The following ATP8A1 variants were observed in gnomAD, a reference collection of about 807,000 sequenced individuals.
The protein encoded by ATP8A1 is ATPase phospholipid transporting 8A1.
Under a neutral mutation model 177.7 loss-of-function variants are expected in ATP8A1, and 90 were observed. That is an observed-to-expected ratio of 0.51 (90% confidence interval 0.43 to 0.60). ATP8A1 has a LOEUF of 0.60. Ranked by LOEUF, ATP8A1 falls within the 20% of genes least tolerant of loss-of-function variation. ATP8A1 has a pLI of 0.00. For missense variants in ATP8A1, 1,072 were observed against 1,392.8 expected, an observed-to-expected ratio of 0.77 and a Z score of 3.67; for synonymous variants, 493 against 485.9, an observed-to-expected ratio of 1.01 and a Z score of -0.19.
At chr4:42,438,153 G>A (rs953044132) in intron 33 of ATP8A1, among the ~76,000 whole-genome samples, 6 of 152,196 alleles carry the variant, frequency 3.9e-5, no homozygotes, top group Admixed American at 3.3e-4. Flanking sequence ...AGACAGGAGT[G>A]TGCACGGTGC....
At chr4:42,490,381 GC>G (rs1722624171) in intron 24 of ATP8A1, among the ~76,000 whole-genome samples, 1 of 152,186 alleles carries the variant, frequency 6.6e-6, no homozygotes, top group Admixed American at 6.5e-5. Flanking sequence ...TTCTTATGTG[GC>G]TGCTCATCAC....
chr4:42,448,392 C>CTTACTTTACTTTTTTTTTTTTT (rs1560335169), intron 30 of ATP8A1, among the ~76,000 whole-genome samples: 14 of 19,920 alleles, frequency 7.0e-4, no homozygotes, highest in African/African-American at 1.1e-3. Context: ...CCCTCCTTCT[C>CTTACTTTACTTTTTTTTTTTTT]TTTCTTTTCT....
intron 1 of ATP8A1, among the ~76,000 whole-genome samples, chr4:42,651,882 T>A (rs1741133777): frequency 6.6e-6 from 1 of 152,204 alleles, no homozygotes; most frequent in Admixed American, 6.5e-5. Context: ...GAAAAACTAT[T>A]TTGTGTAAGC....
chr4:42,526,918 C>T (rs1223114807), intron 20 of ATP8A1, among the ~76,000 whole-genome samples: 2 of 151,950 alleles, frequency 1.3e-5, no homozygotes, highest in African/African-American at 2.4e-5. Context: ...ACTGATAGTC[C>T]TTGGCATAAA....
chr4:42,440,075 A>G (rs955893920), intron 33 of ATP8A1, among the ~76,000 whole-genome samples: 4 of 152,194 alleles, frequency 2.6e-5, no homozygotes, highest in African/African-American at 9.7e-5. Context: ...CCTGATGTTC[A>G]TGGCAAACAC....
chr4:42,623,756 G>A (rs1737747394), intron 4 of ATP8A1, among the ~76,000 whole-genome samples: 1 of 152,110 alleles, frequency 6.6e-6, no homozygotes, highest in South Asian at 2.1e-4. Context: ...ACTAATAGAT[G>A]CTCGGTTTAA....
intron 15 of ATP8A1, among the ~76,000 whole-genome samples, chr4:42,560,265 T>G (rs1042102205): frequency 6.6e-6 from 1 of 152,152 alleles, no homozygotes. Flanking sequence ...TTGAAATTAG[T>G]CACACAGGCT....
intron 25 of ATP8A1, among the ~76,000 whole-genome samples, 187 bp downstream of exon 25, chr4:42,485,309 T>C (rs1401936002): frequency 2.0e-5 from 3 of 152,220 alleles, no homozygotes; most frequent in African/African-American, 7.2e-5. Flanking sequence ...TTGTTAATGA[T>C]TGTTAGGACT....
chr4:42,596,496 C>T (rs1734724569), intron 6 of ATP8A1, among the ~76,000 whole-genome samples: 1 of 151,624 alleles, frequency 6.6e-6, no homozygotes, highest in African/African-American at 2.4e-5. Flanking sequence ...ATGGCGAAAC[C>T]CTGTCTCTAC....
intron 25 of ATP8A1, among the ~76,000 whole-genome samples, chr4:42,478,610 C>G (rs1721335086): frequency 6.6e-6 from 1 of 151,888 alleles, no homozygotes; most frequent in African/African-American, 2.4e-5. Flanking sequence ...TGCTTTAGTT[C>G]AAGACTCTAG....
chr4:42,422,815 A>G lies in ATP8A1; in HGVS notation c.3297T>C (p.Leu1099=), dbSNP rs754623658. 42 of 1,611,952 alleles carry G rather than the reference A, an allele frequency of 2.6e-5. No individual in the cohort carries two copies. Among genetic ancestry groups the G allele is most frequent in the Non-Finnish European group, 3.4e-5 (40 of 1,179,128 alleles). Residue 1099 remains leucine (L), a synonymous_variant, in exon 35 of 37, where the codon CTT becomes CTC. Coordinates refer to ENST00000381668, the MANE Select transcript of ATP8A1 (RefSeq NM_006095.2). ...TTCACTGTGTATTTTACCTTTTTCC[A>G]AGTACAACTGCTCCTGGGTCTTGAG... ...AKSQDPGAVV[L]GKSLTERAQL...
At chr4:42,641,731 T>C (rs1235008448) in intron 1 of ATP8A1, among the ~76,000 whole-genome samples, 1 of 152,068 alleles carries the variant, frequency 6.6e-6, no homozygotes, top group African/African-American at 2.4e-5. Flanking sequence ...GGGAAAAAAA[T>C]GAATGAACAA....
chr4:42,605,177 A>G (rs1200764643), intron 5 of ATP8A1, among the ~76,000 whole-genome samples: 2 of 152,242 alleles, frequency 1.3e-5, no homozygotes, highest in Non-Finnish European at 2.9e-5. Flanking sequence ...TATGTGAACT[A>G]TAACTGAATT....
At chr4:42,450,039 G>C (rs1717762758) in intron 30 of ATP8A1, among the ~76,000 whole-genome samples, 1 of 152,152 alleles carries the variant, frequency 6.6e-6, no homozygotes, top group African/African-American at 2.4e-5. Context: ...TGGAGAGCTT[G>C]TCTGAGGTCA....
intron 33 of ATP8A1, among the ~76,000 whole-genome samples, chr4:42,435,091 T>C (rs950163110): frequency 5.3e-5 from 8 of 152,238 alleles, no homozygotes; most frequent in East Asian, 1.9e-4. Context: ...ACACCAGTCA[T>C]TGACGAGCCC....
chr4:42,553,629 AAAT>A (rs1560451714), intron 16 of ATP8A1, among the ~76,000 whole-genome samples: 2 of 152,176 alleles, frequency 1.3e-5, no homozygotes, highest in Non-Finnish European at 2.9e-5. Flanking sequence ...GGCAAAAAAA[AAAT>A]AATAATGTGA....
chr4:42,449,661 G>A (rs1717724141), intron 30 of ATP8A1, among the ~76,000 whole-genome samples: 1 of 152,140 alleles, frequency 6.6e-6, no homozygotes, highest in Admixed American at 6.5e-5. Context: ...AAACCATAAA[G>A]TAGTTTATGC....
chr4:42,625,757 T>G, intron 2 of ATP8A1, 44 bp from the exon 3 acceptor site: 1 of 1,189,328 alleles, frequency 8.4e-7, no homozygotes, highest in Non-Finnish European at 1.2e-6. Flanking sequence ...TCTCCATAAT[T>G]AGCACCCACA....
chr4:42,607,198 T>C (rs1391514288), intron 5 of ATP8A1, among the ~76,000 whole-genome samples: 1 of 152,166 alleles, frequency 6.6e-6, no homozygotes, highest in African/African-American at 2.4e-5. Flanking sequence ...CCATCCCCCA[T>C]TTACTGTGTT....
Sources: allele counts gnomAD v4.1 joint callset (sites outside exome capture counted in the v4.1 genomes callset), GRCh38; gene constraint gnomAD v4.1.1; transcripts MANE v1.5; gene names NCBI Gene and HGNC (gene_info 2026-07-23, HGNC 2026-07-21).